Variants in LZTS1 observed in about 807,000 individuals in gnomAD.
The protein encoded by LZTS1 is leucine zipper tumor suppressor 1.
Under a neutral mutation model 45.8 loss-of-function variants are expected in LZTS1, and 31 were observed. The ratio of observed to expected loss-of-function variants is 0.68; its 90% confidence interval spans 0.51 to 0.91. The LOEUF is 0.91. Ranked by LOEUF, LZTS1 falls within the 40% of genes least tolerant of loss-of-function variation. The pLI, the probability that LZTS1 is intolerant of heterozygous loss-of-function variation, is 0.00. For missense variants in LZTS1, 821 were observed against 788.9 expected (o/e 1.04, Z -0.49); for synonymous variants, 359 against 357.3 (o/e 1.00, Z -0.05).
At chr8:20,290,057 C>G (rs1263763520) in intron 1 of LZTS1, 1 of 152,268 alleles carries the variant, frequency 6.6e-6, no homozygotes, top group Non-Finnish European at 1.5e-5. Flanking sequence ...TGAACTGACA[C>G]AAGTAACAAA....
At chr8:20,295,013 G>A (rs549899183) in intron 1 of LZTS1, among the ~76,000 whole-genome samples, 1 of 152,022 alleles carries the variant, frequency 6.6e-6, no homozygotes, top group Non-Finnish European at 1.5e-5. Flanking sequence ...CTGGGTTGGG[G>A]GCCCCAAGAG....
rs73607942 is a variant in LZTS1, at chr8:20,253,792, C to T, written c.346-207G>A. 0.039 allele frequency among the ~76,000 whole-genome samples: 5,882 copies of T among 152,206 alleles called. 172 individuals are homozygous for T. Among genetic ancestry groups the T allele is most frequent in the Middle Eastern group, 0.095 (28 of 294 alleles). On this transcript the variant is annotated intron_variant, in intron 2 of 3. Coordinates refer to ENST00000381569, the MANE Select transcript of LZTS1 (RefSeq NM_021020.5). ...TCTTAGGAAGGAAAAACCCTAATGG[C>T]GACTTGGGCACTTTGTTCTATGAAA...
chr8:20,272,029 C>T (rs1482899078), intron 1 of LZTS1, among the ~76,000 whole-genome samples: 2 of 152,236 alleles, frequency 1.3e-5, no homozygotes, highest in Non-Finnish European at 2.9e-5. Flanking sequence ...TCAATATTCA[C>T]AAGTACTTAT....
intron 1 of LZTS1, among the ~76,000 whole-genome samples, chr8:20,300,463 G>A (rs984723088): frequency 2.0e-5 from 3 of 151,968 alleles, no homozygotes; most frequent in South Asian, 2.1e-4. Context: ...CTCCCAAGTA[G>A]CTGGGACTAC....
intron 1 of LZTS1, among the ~76,000 whole-genome samples, chr8:20,267,512 GT>G (rs1230983816): frequency 1.3e-5 from 2 of 151,936 alleles, no homozygotes; most frequent in Non-Finnish European, 2.9e-5. Context: ...ACAGACACTT[GT>G]TTTTTTGCTT....
intron 1 of LZTS1, among the ~76,000 whole-genome samples, chr8:20,266,040 G>A (rs1397228218): frequency 7.8e-6 from 1 of 127,798 alleles, no homozygotes; most frequent in African/African-American, 2.9e-5. Context: ...TTTTTTTTTT[G>A]GAGACAGAGT....
chr8:20,253,706 C>G (rs575081115), intron 2 of LZTS1, 121 bp from the exon 3 acceptor site: 13 of 688,912 alleles, frequency 1.9e-5, no homozygotes, highest in South Asian at 1.3e-4. Context: ...CGCAGCACCC[C>G]TCTTGGTCAA....
At chr8:20,280,395 C>T (rs1800663925) in intron 1 of LZTS1, among the ~76,000 whole-genome samples, 1 of 152,158 alleles carries the variant, frequency 6.6e-6, no homozygotes, top group Admixed American at 6.5e-5. Flanking sequence ...GTTCACTTGT[C>T]ATTCAGACCT....
At chr8:20,284,207 C>T (rs1332488973) in intron 1 of LZTS1, among the ~76,000 whole-genome samples, 1 of 152,210 alleles carries the variant, frequency 6.6e-6, no homozygotes, top group African/African-American at 2.4e-5. Flanking sequence ...AGCAAACAAA[C>T]ACGCTTTGAG....
intron 1 of LZTS1, among the ~76,000 whole-genome samples, chr8:20,265,478 A>C (rs1800334314): frequency 6.6e-6 from 1 of 151,814 alleles, no homozygotes; most frequent in South Asian, 2.1e-4. Context: ...CCAGCCTGGG[A>C]AACACTGTGA....
chr8:20,292,676 C>A (rs534069338), intron 1 of LZTS1, among the ~76,000 whole-genome samples: 1 of 152,166 alleles, frequency 6.6e-6, no homozygotes, highest in South Asian at 2.1e-4. Flanking sequence ...GGACTGAAAG[C>A]GTCTCTCTAC....
intron 1 of LZTS1, among the ~76,000 whole-genome samples, chr8:20,258,796 A>C (rs1800164166): frequency 6.6e-6 from 1 of 152,230 alleles, no homozygotes; most frequent in Non-Finnish European, 1.5e-5. Flanking sequence ...GCCAACATCC[A>C]TCATCCCTAT....
intron 1 of LZTS1, among the ~76,000 whole-genome samples, chr8:20,266,776 C>T (rs560641138): frequency 1.5e-4 from 23 of 152,250 alleles, no homozygotes; most frequent in Admixed American, 7.2e-4. Flanking sequence ...AGCATGTGAG[C>T]GGTTTTTAAT....
chr8:20,253,272 T>A lies in LZTS1; in HGVS notation c.659A>T (p.Gln220Leu). 1 of 1,614,120 alleles carries A rather than the reference T, an allele frequency of 6.2e-7. No homozygotes were observed. Among genetic ancestry groups the A allele is most frequent in the Non-Finnish European group, 8.5e-7 (1 of 1,180,044 alleles). Reference protein sequence around the residue: ...AHNITQGIVLQDSNMMSLKAL... With the variant: ...AHNITQGIVLLDSNMMSLKAL... ...CTTCAGGCTCATCATGTTGCTGTCC[T>A]GGAGGACGATGCCCTGGGTGATGTT... Residue 220 changes from glutamine (Q) to leucine (L), a missense_variant, in exon 3 of 4, where the codon CAG (glutamine) becomes CTG (leucine). By Grantham distance (113) the Gln-to-Leu change is moderately radical. Coordinates refer to ENST00000381569, the MANE Select transcript of LZTS1 (RefSeq NM_021020.5).
rs138518199 is a variant in LZTS1, at chr8:20,249,637, G to T, written c.*85C>A. ...CCAGGGAGTGGCGTCTCTCAGAGGG[G>T]TCTGAATTGCTGAGCAGGGGGGATG... On this transcript the variant is annotated 3_prime_UTR_variant, in exon 4 of 4. Coordinates refer to ENST00000381569, the MANE Select transcript of LZTS1 (RefSeq NM_021020.5). The T allele has an allele frequency of 6.3e-3, 9,471 of 1,496,154 alleles. 42 individuals carry two copies. Among genetic ancestry groups the T allele is most frequent in the Non-Finnish European group, 7.8e-3 (8,723 of 1,115,994 alleles). 92.7% of individuals were successfully genotyped at this position (1,496,154 alleles called of 1,614,324 possible).
At chr8:20,268,243 T>A (rs576488252) in intron 1 of LZTS1, among the ~76,000 whole-genome samples, 1 of 141,940 alleles carries the variant, frequency 7.0e-6, no homozygotes, top group East Asian at 2.3e-4. Context: ...TGCAGAGATG[T>A]GAGAACAGTC....
intron 1 of LZTS1, among the ~76,000 whole-genome samples, chr8:20,280,536 A>G (rs10107110): frequency 0.79 from 119,755 of 152,116 alleles, 48,633 homozygotes; most frequent in East Asian, 0.92. Flanking sequence ...TTCAGACCCC[A>G]TGTCCCATTA....
rs1053716378 is a variant in LZTS1, at chr8:20,253,457, C to T, written c.474G>A (p.Lys158=). 1.2e-6 allele frequency: 2 copies of T among 1,610,158 alleles called. No homozygotes were observed. The highest frequency in any genetic ancestry group is 1.7e-6 in the Non-Finnish European group (2 of 1,178,610). Residue 158 remains lysine, a synonymous_variant, in exon 3 of 4, where the codon AAG becomes AAA. Coordinates refer to ENST00000381569, the MANE Select transcript of LZTS1 (RefSeq NM_021020.5). ...QLHPAPPDKP[K]EQELKPGLCS... Reference sequence around the variant, plus strand: ...ACAGGCCAGGCTTCAGCTCCTGCTCCTTGGGCTTGTCTGGAGGGGCGGGGT... The same window carrying T: ...ACAGGCCAGGCTTCAGCTCCTGCTCTTTGGGCTTGTCTGGAGGGGCGGGGT...
At chr8:20,284,531 CT>C (rs913793833) in intron 1 of LZTS1, among the ~76,000 whole-genome samples, 3 of 151,026 alleles carry the variant, frequency 2.0e-5, no homozygotes, top group Non-Finnish European at 4.4e-5. Flanking sequence ...GCACATTTCA[CT>C]TTTTTTTTAA....
Sources: allele counts gnomAD v4.1 joint callset (sites outside exome capture counted in the v4.1 genomes callset), GRCh38; gene constraint gnomAD v4.1.1; transcripts MANE v1.5; gene names NCBI Gene and HGNC (gene_info 2026-07-23, HGNC 2026-07-21).